Variants in SEC63 observed in about 807,000 individuals in gnomAD.
SEC63 encodes translocation protein SEC63 homolog.
In SEC63, 56 loss-of-function variants were observed where a neutral mutation model predicts 116.2. The ratio of observed to expected loss-of-function variants is 0.48; its 90% CI spans 0.39 to 0.60. The LOEUF (loss-of-function observed/expected upper bound fraction) is 0.60, where lower values mean the gene tolerates loss of function less well. SEC63 is among the 20% of genes least tolerant of loss of function. The pLI is 0.00. For missense variants in SEC63, 668 were observed against 900.0 expected, an observed-to-expected ratio of 0.74 and a Z score of 3.30; for synonymous variants, 273 against 294.6, an observed-to-expected ratio of 0.93 and a Z score of 0.75.
At chr6:107,908,124 T>C (rs1236525057) in intron 8 of SEC63, among the ~76,000 whole-genome samples, 1 of 152,156 alleles carries the variant, frequency 6.6e-6, no homozygotes, top group Non-Finnish European at 1.5e-5. Flanking sequence ...CTAAGAAAAT[T>C]AGTAAAATTG....
intron 12 of SEC63, 43 bp downstream of exon 12, chr6:107,902,801 G>A: frequency 6.3e-7 from 1 of 1,586,280 alleles, no homozygotes; most frequent in Non-Finnish European, 8.7e-7. Flanking sequence ...TTAAGTGACA[G>A]GACAAACTGC....
At chr6:107,879,284 C>A (rs1047514194) in intron 18 of SEC63, among the ~76,000 whole-genome samples, 16 of 152,252 alleles carry the variant, frequency 1.1e-4, no homozygotes, top group African/African-American at 3.6e-4. Context: ...CTGCCTCAGC[C>A]TCCCAAGTAG....
At chr6:107,952,182 C>T (rs768810854) in intron 1 of SEC63, among the ~76,000 whole-genome samples, 2 of 152,032 alleles carry the variant, frequency 1.3e-5, no homozygotes, top group Admixed American at 6.6e-5. Context: ...ATTATAAGTA[C>T]GCTTAGCTAA....
At chr6:107,923,565 G>A (rs1283064821) in intron 3 of SEC63, among the ~76,000 whole-genome samples, 3 of 152,146 alleles carry the variant, frequency 2.0e-5, no homozygotes. Flanking sequence ...TCACTCTGCT[G>A]CCCAGGCTAG....
chr6:107,946,558 T>C (rs1770484481), intron 1 of SEC63, among the ~76,000 whole-genome samples: 1 of 152,222 alleles, frequency 6.6e-6, no homozygotes, highest in Non-Finnish European at 1.5e-5. Flanking sequence ...AAAACCTTCA[T>C]GTTGTCCTGT....
intron 1 of SEC63, among the ~76,000 whole-genome samples, chr6:107,936,579 G>A (rs943718335): frequency 1.5e-4 from 23 of 152,298 alleles, no homozygotes; most frequent in African/African-American, 5.5e-4. Flanking sequence ...TATAGAAACA[G>A]GAAATCCTAA....
chr6:107,922,558 T>C (rs1390050278), intron 3 of SEC63, among the ~76,000 whole-genome samples: 2 of 152,132 alleles, frequency 1.3e-5, no homozygotes, highest in African/African-American at 4.8e-5. Flanking sequence ...CACAATAAAT[T>C]AAATCTGGCT....
intron 3 of SEC63, among the ~76,000 whole-genome samples, chr6:107,923,993 G>A (rs1232260030): frequency 3.3e-5 from 5 of 152,170 alleles, no homozygotes; most frequent in African/African-American, 4.8e-5. Flanking sequence ...GGCTGGGCAC[G>A]GTGGCTCACG....
Position 107,934,369 on chromosome 6 carries a change from C to T in SEC63, c.125-4855G>A, listed in dbSNP as rs34986465. On this transcript the variant is annotated intron_variant, in intron 1 of 20. Transcript: ENST00000369002. ...CTAGGAAGTGAGGAGCGTCTCTGCCCGGCCGCCCATCGCCTGAGATGTGGG... is the reference window on the plus strand; with the variant it reads ...CTAGGAAGTGAGGAGCGTCTCTGCCTGGCCGCCCATCGCCTGAGATGTGGG... Among the ~76,000 whole-genome samples the T allele has an allele frequency of 1.3e-4, 19 of 151,122 alleles. No homozygotes were observed. In the East Asian group the frequency reaches 1.8e-3, roughly 14 times the overall value.
At chr6:107,919,686 T>G (rs1231236199) in intron 4 of SEC63, among the ~76,000 whole-genome samples, 1 of 151,722 alleles carries the variant, frequency 6.6e-6, no homozygotes, top group African/African-American at 2.4e-5. Flanking sequence ...GCCGGGCATG[T>G]TGGCGGGTGC....
chr6:107,946,450 C>T (rs1410236183), intron 1 of SEC63, among the ~76,000 whole-genome samples: 1 of 152,068 alleles, frequency 6.6e-6, no homozygotes, highest in African/African-American at 2.4e-5. Context: ...ACAATCTGCC[C>T]GCCTTCAGCC....
chr6:107,892,863 A>C (rs1786715834), intron 16 of SEC63, among the ~76,000 whole-genome samples: 1 of 152,200 alleles, frequency 6.6e-6, no homozygotes. Flanking sequence ...CAAGACTCTC[A>C]CACGTAGGTA....
At chr6:107,922,919 CT>C (rs1488888101) in intron 3 of SEC63, among the ~76,000 whole-genome samples, 1 of 151,586 alleles carries the variant, frequency 6.6e-6, no homozygotes, top group Non-Finnish European at 1.5e-5. Flanking sequence ...AGAAAGAGCA[CT>C]AGATTGAGCT....
chr6:107,929,637 C>A (rs1787754965), intron 1 of SEC63, 123 bp from the exon 2 acceptor site: 13 of 649,110 alleles, frequency 2.0e-5, no homozygotes, highest in South Asian at 1.7e-4. Context: ...GAAATTACTG[C>A]CTATTCAAAT....
intron 1 of SEC63, among the ~76,000 whole-genome samples, chr6:107,937,345 C>T (rs959754089): frequency 6.6e-6 from 1 of 151,978 alleles, no homozygotes; most frequent in Non-Finnish European, 1.5e-5. Context: ...AGGCTGGTCT[C>T]GAACTCCTGA....
chr6:107,894,147 A>G (rs1298373162), intron 14 of SEC63, among the ~76,000 whole-genome samples: 1 of 152,230 alleles, frequency 6.6e-6, no homozygotes, highest in Non-Finnish European at 1.5e-5. Flanking sequence ...CAAACACAGT[A>G]AGGATACATA....
chr6:107,924,853 C>T lies in SEC63; in HGVS notation c.304G>A (p.Glu102Lys). ...TTTAATACTTCATAAGGATTGTATT[C>T]TTGGTATTCTCGGTCTGTTTTGGAA... ...KVSKTDREYQ[E>K]YNPYEVLNLD... Residue 102 changes from glutamate (E) to lysine (K), a missense_variant, in exon 3 of 21, where the codon GAA becomes AAA. This residue lies in a region of SEC63 where 142 missense variants were observed against 169.5 expected (regional missense o/e 0.84). Coordinates refer to ENST00000369002, the MANE Select transcript of SEC63 (RefSeq NM_007214.5). 1.3e-6 allele frequency: 2 copies of T among 1,582,554 alleles called. No individual in the cohort carries two copies. Among genetic ancestry groups the T allele is most frequent in the East Asian group, 2.2e-5 (1 of 44,676 alleles).
At chr6:107,918,003 G>A (rs1465977746) in intron 4 of SEC63, among the ~76,000 whole-genome samples, 2 of 152,220 alleles carry the variant, frequency 1.3e-5, no homozygotes, top group East Asian at 3.9e-4. Flanking sequence ...CTGCTGGAGA[G>A]AAATAAATGC....
chr6:107,937,824 TA>T lies in SEC63; in HGVS notation c.125-8311del, dbSNP rs905340674. Among the ~76,000 whole-genome samples, 582 of 151,062 alleles carry T rather than the reference TA, an allele frequency of 3.9e-3. 4 individuals carry two copies. The highest frequency in any genetic ancestry group is 0.013 in the African/African-American group (527 of 41,302). ...GCATTTTTCATGTTTCTTGGCCACT[TA>T]AAAAAAAAATTTCTTCTTTTAAGAA... On this transcript the variant is annotated intron_variant, in intron 1 of 20. Coordinates refer to ENST00000369002, the MANE Select transcript of SEC63 (RefSeq NM_007214.5).
Sources: gnomAD v4.1 joint callset for allele counts (sites outside exome capture counted in the v4.1 genomes callset) on GRCh38, gnomAD v4.1.1 for gene constraint, gnomAD v4.1.1 regional missense constraint, MANE v1.5 for transcripts, NCBI Gene and HGNC (gene_info 2026-07-23, HGNC 2026-07-21) for gene names.